The following TENM2 variants were observed in gnomAD, a reference collection of about 807,000 sequenced individuals.
TENM2 encodes the protein teneurin transmembrane protein 2, also known as teneurin-2.
A neutral mutation model predicts 245.2 loss-of-function variants in TENM2; 52 were observed. The ratio of observed to expected loss-of-function variants is 0.21; its 90% CI spans 0.17 to 0.27. The LOEUF (loss-of-function observed/expected upper bound fraction) is 0.27, where lower values mean the gene tolerates loss of function less well. Ranked by LOEUF, TENM2 falls within the 10% of genes least tolerant of loss-of-function variation. The pLI is 1.00. For synonymous variants in TENM2, 1,363 were observed against 1,438.9 expected, an observed-to-expected ratio of 0.95 and a Z score of 1.19; for missense variants, 3,046 against 3,666.8, an observed-to-expected ratio of 0.83 and a Z score of 4.37.
upstream of TENM2, among the ~76,000 whole-genome samples, chr5:167,280,825 T>C (rs1771014978): frequency 6.6e-6 from 1 of 151,662 alleles, no homozygotes; most frequent in Admixed American, 6.6e-5. Flanking sequence ...ATCTAATTTC[T>C]TTTTGCCATA....
At position 167,974,445 on chromosome 5, in the gene TENM2, A is replaced by G. The variant is rs569081950; in HGVS notation, c.948-18499A>G. On this transcript the variant is annotated intron_variant, in intron 4 of 28. Coordinates refer to ENST00000518659, the Ensembl canonical transcript of TENM2. ...GGAGGGAGGGGTGGAGGAAGGAGGG[A>G]AGAAAGAAGGAAGGAAAGGGGAACT... is the stretch of plus-strand genomic sequence containing the variant. Among the ~76,000 whole-genome samples the G allele has an allele frequency of 2.1e-3, 300 of 143,210 alleles. 2 individuals are homozygous for G. Among genetic ancestry groups the G allele is most frequent in the African/African-American group, 7.4e-3 (286 of 38,820 alleles). 94.0% of individuals were successfully genotyped at this position (143,210 alleles called of 152,430 possible). A position where few individuals can be genotyped will look rare whatever the true frequency, so the allele number is the denominator to read the frequency against.
chr5:168,237,982 A>G (rs2152665777), intron 25 of TENM2, among the ~76,000 whole-genome samples: 1 of 151,330 alleles, frequency 6.6e-6, no homozygotes, highest in East Asian at 1.9e-4. Flanking sequence ...CTCTACTAAA[A>G]AAATACAAAA....
chr5:167,861,955 T>G (rs1013386612), intron 2 of TENM2, among the ~76,000 whole-genome samples: 2 of 152,258 alleles, frequency 1.3e-5, no homozygotes. Context: ...GTTTATCTCC[T>G]GCCTGCATAA....
At chr5:167,180,103 C>CTTTTTTTTTTTTTTTTTTTTTTT in the TENM2 span, among the ~76,000 whole-genome samples, 13 of 114,956 alleles carry the variant, frequency 1.1e-4, 1 homozygote, top group African/African-American at 5.5e-4. Context: ...TAAGTGCTTC[C>CTTTTTTTTTTTTTTTTTTTTTTT]TTTTTTTTTT....
chr5:167,146,560 G>A, the TENM2 span, among the ~76,000 whole-genome samples: 7 of 152,244 alleles, frequency 4.6e-5, no homozygotes, highest in Middle Eastern at 3.4e-3. Flanking sequence ...TCCCTATAAA[G>A]TGCTTATAAT....
At chr5:167,438,851 T>C (rs1409738304) in intron 2 of TENM2, among the ~76,000 whole-genome samples, 1 of 151,978 alleles carries the variant, frequency 6.6e-6, no homozygotes, top group Non-Finnish European at 1.5e-5. Context: ...TGGAGTGCAA[T>C]GGCACGATCT....
chr5:167,088,116 C>A, the TENM2 span, among the ~76,000 whole-genome samples: 5 of 152,060 alleles, frequency 3.3e-5, no homozygotes, highest in African/African-American at 9.7e-5. Context: ...AGAGCTGGAG[C>A]AAGTCATGCT....
chr5:167,590,211 A>G (rs554471674), intron 2 of TENM2, among the ~76,000 whole-genome samples: 4 of 152,006 alleles, frequency 2.6e-5, no homozygotes, highest in African/African-American at 7.2e-5. Flanking sequence ...TTTGTTTTTC[A>G]TATGAAAATC....
chr5:167,827,091 T>C (rs1449201011), intron 2 of TENM2, among the ~76,000 whole-genome samples: 1 of 152,224 alleles, frequency 6.6e-6, no homozygotes, highest in Non-Finnish European at 1.5e-5. Context: ...CCCTAAGTAG[T>C]CTTCAGTTTC....
At chr5:167,646,229 A>ATATATATG (rs1779957643) in intron 2 of TENM2, among the ~76,000 whole-genome samples, 3 of 131,254 alleles carry the variant, frequency 2.3e-5, no homozygotes, top group Middle Eastern at 3.8e-3. Context: ...ATATATATAT[A>ATATATATG]TGTTGTTTTC....
At chr5:167,703,530 C>CAAAAAAAAAAAAAAAAAAAAAAA (rs747603141) in intron 2 of TENM2, among the ~76,000 whole-genome samples, 1 of 97,170 alleles carries the variant, frequency 1.0e-5, no homozygotes, top group African/African-American at 3.2e-5. Context: ...GAAACCATCT[C>CAAAAAAAAAAAAAAAAAAAAAAA]AAAAAAAAAA....
the TENM2 span, among the ~76,000 whole-genome samples, chr5:167,195,308 A>G: frequency 4.6e-5 from 7 of 152,082 alleles, no homozygotes; most frequent in Non-Finnish European, 7.4e-5. Context: ...AATGTGTCCA[A>G]TTAGTACTCA....
chr5:168,213,564 C>G (rs144427644), intron 20 of TENM2, among the ~76,000 whole-genome samples: 6 of 152,124 alleles, frequency 3.9e-5, no homozygotes, highest in Admixed American at 2.6e-4. Context: ...ATGGTTTATA[C>G]CTATAATCCC....
intron 2 of TENM2, among the ~76,000 whole-genome samples, chr5:167,801,309 C>T (rs1765754212): frequency 6.6e-6 from 1 of 151,194 alleles, no homozygotes. Context: ...TGAGGGGCAG[C>T]GTTTATTTAT....
chr5:167,182,628 G>A, the TENM2 span, among the ~76,000 whole-genome samples: 2 of 151,884 alleles, frequency 1.3e-5, no homozygotes, highest in African/African-American at 4.8e-5. Flanking sequence ...TTGCCTTTTT[G>A]ACTCTAAGCC....
At chr5:168,228,025 C>A in exon 25 of TENM2, 1 of 1,613,930 alleles carries the variant, frequency 6.2e-7, no homozygotes, top group East Asian at 2.2e-5. Flanking sequence ...CCATTGGACG[C>A]TGCAACATCT....
At chr5:167,470,327 T>C (rs1162513958) in intron 2 of TENM2, among the ~76,000 whole-genome samples, 1 of 152,116 alleles carries the variant, frequency 6.6e-6, no homozygotes, top group East Asian at 1.9e-4. Flanking sequence ...AGTTCAATTA[T>C]AGATCACCAT....
intron 2 of TENM2, among the ~76,000 whole-genome samples, chr5:167,810,688 C>T (rs1245748937): frequency 2.0e-5 from 3 of 151,950 alleles, no homozygotes; most frequent in Non-Finnish European, 2.9e-5. Context: ...ATGTGTGCAA[C>T]TTCAGGGAGA....
intron 2 of TENM2, among the ~76,000 whole-genome samples, chr5:167,633,895 G>GCTTTGGTT (rs1199561005): frequency 1.3e-5 from 2 of 152,094 alleles, no homozygotes; most frequent in Non-Finnish European, 2.9e-5. Context: ...CAGCCATTTT[G>GCTTTGGTT]CTTTGGTTCA....
Sources: gnomAD v4.1 joint callset for allele counts (sites outside exome capture counted in the v4.1 genomes callset) on GRCh38, gnomAD v4.1.1 for gene constraint, MANE v1.5 for transcripts, NCBI Gene and HGNC (gene_info 2026-07-23, HGNC 2026-07-21) for gene names.